The following KLHL32 variants were observed in gnomAD, a reference collection of about 807,000 sequenced individuals.
KLHL32 encodes the protein kelch like family member 32.
A neutral mutation model predicts 64.8 loss-of-function variants in KLHL32; 35 were observed. The ratio of observed to expected loss-of-function variants is 0.54; its 90% confidence interval spans 0.41 to 0.72. KLHL32 has a LOEUF of 0.72. Among genes scored for constraint, KLHL32 ranks in the 30% least tolerant of loss-of-function variants. The probability of loss-of-function intolerance (pLI) is 0.00; values close to 1 mark genes in which losing one functional copy is unlikely to be tolerated. For synonymous variants in KLHL32, 259 were observed against 281.0 expected, an observed-to-expected ratio of 0.92 and a Z score of 0.78; for missense variants, 589 against 768.5, an observed-to-expected ratio of 0.77 and a Z score of 2.76.
At chr6:96,988,354 T>C (rs1181236805) in intron 3 of KLHL32, among the ~76,000 whole-genome samples, 1 of 152,010 alleles carries the variant, frequency 6.6e-6, no homozygotes, top group Non-Finnish European at 1.5e-5. Context: ...CATGAAAAAA[T>C]GCTCATCATC....
At chr6:97,057,746 A>G (rs1035070954) in intron 4 of KLHL32, among the ~76,000 whole-genome samples, 2 of 152,200 alleles carry the variant, frequency 1.3e-5, no homozygotes, top group African/African-American at 4.8e-5. Context: ...TTAATTTTAA[A>G]AAAGTCCAAG....
chr6:97,138,351 C>A (rs1258029809), intron 10 of KLHL32, among the ~76,000 whole-genome samples: 1 of 152,064 alleles, frequency 6.6e-6, no homozygotes, highest in Non-Finnish European at 1.5e-5. Flanking sequence ...GCAGGCTGCA[C>A]AACATGGCGA....
intron 6 of KLHL32, among the ~76,000 whole-genome samples, chr6:97,112,775 AAGG>A (rs1442217660): frequency 2.0e-5 from 3 of 151,210 alleles, no homozygotes; most frequent in Non-Finnish European, 4.4e-5. Flanking sequence ...TAAAAAAAAA[AAGG>A]AGAATTTCTT....
intron 3 of KLHL32, among the ~76,000 whole-genome samples, chr6:96,989,342 C>G (rs1303870911): frequency 6.6e-6 from 1 of 152,148 alleles, no homozygotes; most frequent in African/African-American, 2.4e-5. Context: ...GATTTTATTT[C>G]TCCTTCACTT....
At chr6:96,900,748 C>T in the KLHL32 span, among the ~76,000 whole-genome samples, 1 of 152,156 alleles carries the variant, frequency 6.6e-6, no homozygotes, top group East Asian at 1.9e-4. Context: ...GCTCAAGGGG[C>T]CCAGGACAGC....
chr6:97,064,120 C>T (rs971185906), intron 4 of KLHL32, among the ~76,000 whole-genome samples: 2 of 152,156 alleles, frequency 1.3e-5, no homozygotes, highest in Admixed American at 6.5e-5. Context: ...GCGTATGAAG[C>T]TTACTGTTGT....
intron 3 of KLHL32, among the ~76,000 whole-genome samples, chr6:96,979,098 G>C (rs1383039889): frequency 6.6e-6 from 1 of 151,782 alleles, no homozygotes; most frequent in Non-Finnish European, 1.5e-5. Context: ...TTTGTGGGGT[G>C]TGTTTGTTGA....
chr6:96,939,464 G>T (rs955013892), intron 1 of KLHL32, among the ~76,000 whole-genome samples: 4 of 152,164 alleles, frequency 2.6e-5, no homozygotes, highest in African/African-American at 4.8e-5. Context: ...ATGCTGAGGA[G>T]GAGAGGTTCA....
upstream of KLHL32, among the ~76,000 whole-genome samples, chr6:96,924,255 G>C (rs1768869834): frequency 6.6e-6 from 1 of 152,132 alleles, no homozygotes; most frequent in Non-Finnish European, 1.5e-5. Flanking sequence ...TTAGGGCCAC[G>C]GGGTCTGTTT....
At chr6:96,979,990 T>C (rs1269752591) in intron 3 of KLHL32, among the ~76,000 whole-genome samples, 1 of 74,104 alleles carries the variant, frequency 1.3e-5, no homozygotes, top group African/African-American at 9.7e-5. Context: ...GAAATGCTAC[T>C]GATATTCGTA....
At position 97,028,778 on chromosome 6, in the gene KLHL32, T is replaced by C. The variant is rs575621792; in HGVS notation, c.205-12714T>C. 3.9e-5 allele frequency among the ~76,000 whole-genome samples: 6 copies of C among 152,336 alleles called. No homozygotes were observed. The South Asian group carries it at 1.0e-3, about 26-fold the overall frequency. On this transcript the variant is annotated intron_variant, in intron 3 of 10. Coordinates refer to ENST00000369261, the MANE Select transcript of KLHL32 (RefSeq NM_052904.4). ...TAATTCGATTCATTCAATAATGGTTTAGCAAATGTATTCAATAAGAAAGCG... is the reference window on the plus strand; with the variant it reads ...TAATTCGATTCATTCAATAATGGTTCAGCAAATGTATTCAATAAGAAAGCG...
intron 7 of KLHL32, among the ~76,000 whole-genome samples, chr6:97,125,139 A>G (rs890962120): frequency 5.3e-5 from 8 of 152,202 alleles, no homozygotes; most frequent in African/African-American, 1.9e-4. Flanking sequence ...TAAATCTTCA[A>G]GCTTCTGAGA....
chr6:97,038,213 ACAAT>A (rs1417198348), intron 3 of KLHL32, among the ~76,000 whole-genome samples: 2 of 152,190 alleles, frequency 1.3e-5, no homozygotes, highest in African/African-American at 2.4e-5. Flanking sequence ...AGCAAAGGAA[ACAAT>A]CAACAAAGTG....
chr6:96,922,354 T>C (rs1318236930), upstream of KLHL32, among the ~76,000 whole-genome samples: 1 of 152,236 alleles, frequency 6.6e-6, no homozygotes, highest in Non-Finnish European at 1.5e-5. Flanking sequence ...TCACTGCTTC[T>C]GTGCCCTCTG....
At chr6:97,074,645 G>A (rs1298688815) in intron 5 of KLHL32, among the ~76,000 whole-genome samples, 2 of 150,936 alleles carry the variant, frequency 1.3e-5, no homozygotes, top group African/African-American at 4.9e-5. Flanking sequence ...AGTTATGATT[G>A]ACATACTGAG....
intron 7 of KLHL32, among the ~76,000 whole-genome samples, chr6:97,118,489 G>A (rs1006702663): frequency 6.6e-6 from 1 of 151,872 alleles, no homozygotes; most frequent in African/African-American, 2.4e-5. Context: ...CGTGGTGGCG[G>A]GCGCCTGTAA....
At chr6:97,089,901 T>A (rs192419738) in intron 6 of KLHL32, among the ~76,000 whole-genome samples, 140 of 152,192 alleles carry the variant, frequency 9.2e-4, no homozygotes, top group Non-Finnish European at 2.5e-4. Flanking sequence ...GACCAAAAAA[T>A]TTGCTGGCTA....
At chr6:97,004,851 T>C (rs541097217) in intron 3 of KLHL32, among the ~76,000 whole-genome samples, 2 of 152,320 alleles carry the variant, frequency 1.3e-5, no homozygotes, top group African/African-American at 4.8e-5. Context: ...ATTAGCTTTT[T>C]GATGTGCTGC....
intron 3 of KLHL32, among the ~76,000 whole-genome samples, chr6:97,014,165 G>A (rs1042118093): frequency 6.6e-6 from 1 of 152,100 alleles, no homozygotes; most frequent in African/African-American, 2.4e-5. Context: ...GTTGTGGTGG[G>A]CGCCTGTAGT....
Sources: allele counts gnomAD v4.1 joint callset (sites outside exome capture counted in the v4.1 genomes callset), GRCh38; gene constraint gnomAD v4.1.1; transcripts MANE v1.5; gene names NCBI Gene and HGNC (gene_info 2026-07-23, HGNC 2026-07-21).